Variants in DAD1 observed in about 807,000 individuals in gnomAD.
DAD1 encodes the protein dolichyl-diphosphooligosaccharide--protein glycosyltransferase subunit DAD1.
In DAD1, 4 loss-of-function variants were observed where a neutral mutation model predicts 9.0. The observed-to-expected ratio is 0.44, with a 90% CI of 0.22 to 1.01. DAD1 has a LOEUF of 1.01. Ranked by LOEUF, DAD1 falls within the 50% of genes least tolerant of loss-of-function variation. The pLI is 0.24. For synonymous variants in DAD1, 60 were observed against 62.5 expected, an observed-to-expected ratio of 0.96 and a Z score of 0.19; for missense variants, 119 against 137.3, an observed-to-expected ratio of 0.87 and a Z score of 0.67.
intron 2 of DAD1, 98 bp downstream of exon 2, chr14:22,574,961 C>G (rs2037066320): frequency 3.1e-6 from 3 of 973,616 alleles, no homozygotes; most frequent in East Asian, 4.9e-5. Flanking sequence ...ATGTCAATAG[C>G]AGTATGGGAG....
intron 1 of DAD1, among the ~76,000 whole-genome samples, chr14:22,576,807 CA>C (rs1324084107): frequency 6.6e-6 from 1 of 151,990 alleles, no homozygotes; most frequent in African/African-American, 2.4e-5. Flanking sequence ...TTAAAATGGG[CA>C]AAGGACTTGA....
chr14:22,586,836 A>G (rs1259018034), intron 1 of DAD1, among the ~76,000 whole-genome samples: 1 of 152,202 alleles, frequency 6.6e-6, no homozygotes, highest in East Asian at 1.9e-4. Context: ...AGGAAAGTCA[A>G]TGCTGTCAAA....
intron 2 of DAD1, 131 bp downstream of exon 2, chr14:22,574,928 C>T (rs2037066086): frequency 2.9e-6 from 2 of 700,866 alleles, no homozygotes; most frequent in Non-Finnish European, 4.7e-6. Flanking sequence ...GCATACTTTG[C>T]AGACCAATGG....
chr14:22,576,150 C>A (rs8021060), intron 1 of DAD1, among the ~76,000 whole-genome samples: 1 of 152,120 alleles, frequency 6.6e-6, no homozygotes, highest in African/African-American at 2.4e-5. Flanking sequence ...CACGGGTGAA[C>A]ACATCTGCCT....
At chr14:22,569,250 T>A (rs993217772) in intron 2 of DAD1, among the ~76,000 whole-genome samples, 1 of 150,090 alleles carries the variant, frequency 6.7e-6, no homozygotes, top group African/African-American at 2.4e-5. Flanking sequence ...CTGGCCAACA[T>A]GGTGAAACCA....
intron 2 of DAD1, among the ~76,000 whole-genome samples, chr14:22,573,582 C>T (rs188966224): frequency 1.6e-4 from 25 of 151,582 alleles, no homozygotes; most frequent in Admixed American, 9.9e-4. Context: ...TGGTGGCGGG[C>T]GCCTGTAGTC....
Position 22,575,135 on chromosome 14 carries a change from G to A in DAD1, c.310C>T (p.Leu104=). ...ACAAAGTTCATGACAACAAGGTGCAGGATGGTGCTGGCAAAGAGAAAATCA... is the reference window on the plus strand; with the variant it reads ...ACAAAGTTCATGACAACAAGGTGCAAGATGGTGCTGGCAAAGAGAAAATCA... ...FADFLFASTI[L]HLVVMNFVG Residue 104 remains leucine, a synonymous_variant, in exon 2 of 3, where the codon CTG becomes TTG. Transcript: ENST00000250498. The A allele has an allele frequency of 1.9e-6, 3 of 1,614,150 alleles. No individual in the cohort carries two copies. The highest frequency in any genetic ancestry group is 2.5e-6 in the Non-Finnish European group (3 of 1,179,988).
intron 2 of DAD1, among the ~76,000 whole-genome samples, chr14:22,572,917 T>A (rs2037051141): frequency 2.0e-5 from 3 of 152,174 alleles, no homozygotes; most frequent in South Asian, 4.1e-4. Context: ...AAGGTCAATG[T>A]TGGTGGGTCA....
At chr14:22,572,121 A>G (rs1002339377) in intron 2 of DAD1, among the ~76,000 whole-genome samples, 1 of 151,962 alleles carries the variant, frequency 6.6e-6, no homozygotes, top group African/African-American at 2.4e-5. Context: ...ACCCAATGCC[A>G]TTTTCTTTTG....
chr14:22,572,482 T>C (rs1019560619), intron 2 of DAD1, among the ~76,000 whole-genome samples: 7 of 152,216 alleles, frequency 4.6e-5, no homozygotes, highest in African/African-American at 1.7e-4. Context: ...GATTTTTCTA[T>C]GAACATACTC....
At chr14:22,575,315 A>C in intron 1 of DAD1, 82 bp from the exon 2 acceptor site, 1 of 1,478,470 alleles carries the variant, frequency 6.8e-7, no homozygotes, top group Non-Finnish European at 9.1e-7. Flanking sequence ...ATACCCGAGG[A>C]CCCAACAATT....
chr14:22,571,804 CTT>C (rs1301913405), intron 2 of DAD1, among the ~76,000 whole-genome samples: 24 of 151,736 alleles, frequency 1.6e-4, no homozygotes, highest in Non-Finnish European at 8.8e-5. Flanking sequence ...TAATTTTTGT[CTT>C]TTTAGTAGAG....
At chr14:22,588,635 G>A (rs2037170157) in intron 1 of DAD1, among the ~76,000 whole-genome samples, 1 of 152,242 alleles carries the variant, frequency 6.6e-6, no homozygotes. Context: ...TAATTTTAGA[G>A]TTGTGTTAAA....
At chr14:22,575,002 T>C in intron 2 of DAD1, 57 bp downstream of exon 2, 4 of 1,460,642 alleles carry the variant, frequency 2.7e-6, no homozygotes, top group Non-Finnish European at 3.7e-6. Flanking sequence ...ACCAGTCCCA[T>C]CCAATTTCTC....
intron 1 of DAD1, among the ~76,000 whole-genome samples, chr14:22,583,823 AAGT>A (rs1390385897): frequency 2.0e-5 from 3 of 152,076 alleles, no homozygotes; most frequent in Admixed American, 6.6e-5. Flanking sequence ...ATGGGTATAA[AAGT>A]AGGTGATCTG....
intron 2 of DAD1, among the ~76,000 whole-genome samples, chr14:22,566,386 G>A (rs2037002207): frequency 1.3e-5 from 2 of 151,708 alleles, no homozygotes; most frequent in African/African-American, 4.8e-5. Flanking sequence ...CCAGGCTGGA[G>A]TGCAATGGCG....
intron 1 of DAD1, among the ~76,000 whole-genome samples, chr14:22,575,449 T>C (rs758566428): frequency 3.3e-5 from 5 of 152,150 alleles, no homozygotes; most frequent in Non-Finnish European, 7.3e-5. Flanking sequence ...TTATAGCATA[T>C]ACAAACAATA....
chr14:22,586,094 TACTCAGGAG>T (rs1171615611), intron 1 of DAD1, among the ~76,000 whole-genome samples: 4 of 151,552 alleles, frequency 2.6e-5, no homozygotes, highest in African/African-American at 9.7e-5. Context: ...CAGTCCCAGC[TACTCAGGAG>T]GCTGAGGCAG....
intron 2 of DAD1, among the ~76,000 whole-genome samples, chr14:22,573,412 T>TA (rs1217569886): frequency 6.6e-6 from 1 of 152,096 alleles, no homozygotes; most frequent in Non-Finnish European, 1.5e-5. Context: ...ATCAGGTGTC[T>TA]AATGAGTTAA....
Sources: gnomAD v4.1 joint callset for allele counts (sites outside exome capture counted in the v4.1 genomes callset) on GRCh38, gnomAD v4.1.1 for gene constraint, MANE v1.5 for transcripts, NCBI Gene and HGNC (gene_info 2026-07-23, HGNC 2026-07-21) for gene names.